Variants in SCCPDH observed in about 807,000 individuals in gnomAD.
The protein encoded by SCCPDH is saccharopine dehydrogenase (putative), also known as saccharopine dehydrogenase-like oxidoreductase.
SCCPDH carries 34 observed loss-of-function variants against 51.5 expected under a neutral mutation model. That is an observed-to-expected ratio of 0.66 (90% CI 0.50 to 0.88). SCCPDH has a LOEUF of 0.88. SCCPDH is among the 40% of genes least tolerant of loss of function. The pLI, the probability that SCCPDH is intolerant of heterozygous loss-of-function variation, is 0.00. For synonymous variants in SCCPDH, 187 were observed against 191.3 expected, an observed-to-expected ratio of 0.98 and a Z score of 0.19; for missense variants, 464 against 527.1, an observed-to-expected ratio of 0.88 and a Z score of 1.17.
intron 9 of SCCPDH, among the ~76,000 whole-genome samples, chr1:246,763,925 T>C (rs1471330439): frequency 6.6e-6 from 1 of 152,184 alleles, no homozygotes; most frequent in Non-Finnish European, 1.5e-5. Context: ...CTGGCTATTT[T>C]TGTCTTGTCG....
Position 246,744,362 on chromosome 1 carries a change from A to G in SCCPDH, c.564+237A>G, listed in dbSNP as rs564634346. Among the ~76,000 whole-genome samples the G allele has an allele frequency of 2.0e-5, 3 of 152,198 alleles. No individual in the cohort carries two copies. In the South Asian group the frequency reaches 6.2e-4, roughly 32 times the overall value. On this transcript the variant is annotated intron_variant, in intron 5 of 11. Coordinates refer to ENST00000366510, the MANE Select transcript of SCCPDH (RefSeq NM_016002.3). ...AGATGGAGTTACGCTCTTGTCGCCC[A>G]GGCTGGAGTGCAATGGCATGATCTC...
intron 2 of SCCPDH, among the ~76,000 whole-genome samples, chr1:246,732,525 C>A (rs1418677671): frequency 2.0e-5 from 3 of 152,034 alleles, no homozygotes; most frequent in Non-Finnish European, 4.4e-5. Flanking sequence ...GTAGCTGGAA[C>A]TACAGGCTCA....
chr1:246,745,964 T>C lies in SCCPDH; in HGVS notation c.564+1839T>C, dbSNP rs558540031. On this transcript the variant is annotated intron_variant, in intron 5 of 11. Coordinates refer to ENST00000366510, the MANE Select transcript of SCCPDH (RefSeq NM_016002.3). ...TCTACTAAAAATACAAAAAATTAGC[T>C]GGGCGTGGTGGCAGGCACCTGTAGT... Among the ~76,000 whole-genome samples the C allele has an allele frequency of 4.7e-3, 718 of 151,734 alleles. 7 individuals carry two copies. Among genetic ancestry groups the C allele is most frequent in the African/African-American group, 0.015 (633 of 41,370 alleles).
intron 5 of SCCPDH, among the ~76,000 whole-genome samples, chr1:246,744,507 G>A (rs1237521451): frequency 6.6e-6 from 1 of 151,966 alleles, no homozygotes; most frequent in African/African-American, 2.4e-5. Flanking sequence ...TTTTAGTAGA[G>A]ACGGGGTTTC....
Position 246,766,152 on chromosome 1 carries a change from T to C in SCCPDH, c.1184+13T>C. ...ATCTGCCTAAGGCGTAAGTTTGGTT[T>C]TCTTCCAATTAGAAGATCTTTTTTA... On this transcript the variant is annotated intron_variant, in intron 11 of 11. Coordinates refer to ENST00000366510, the MANE Select transcript of SCCPDH (RefSeq NM_016002.3). The C allele has an allele frequency of 6.4e-7, 1 of 1,559,784 alleles. No individual in the cohort carries two copies. Among genetic ancestry groups the C allele is most frequent in the Non-Finnish European group, 8.8e-7 (1 of 1,137,490 alleles).
At chr1:246,732,061 G>A (rs1668500643) in intron 2 of SCCPDH, among the ~76,000 whole-genome samples, 3 of 152,260 alleles carry the variant, frequency 2.0e-5, no homozygotes, top group Admixed American at 2.0e-4. Flanking sequence ...TTTTATGCCT[G>A]TATAGTATTC....
At chr1:246,724,787 CCTT>C (rs1462957031) in intron 1 of SCCPDH, among the ~76,000 whole-genome samples, 175 bp downstream of exon 1, 1 of 152,192 alleles carries the variant, frequency 6.6e-6, no homozygotes, top group African/African-American at 2.4e-5. Context: ...TGTCCCACCT[CCTT>C]AACTATATGT....
intron 3 of SCCPDH, among the ~76,000 whole-genome samples, chr1:246,738,489 G>A (rs1212403723): frequency 1.3e-5 from 2 of 150,402 alleles, no homozygotes; most frequent in South Asian, 2.1e-4. Flanking sequence ...CCAGCCTGGC[G>A]ACAGAGTGGG....
At position 246,766,139 on chromosome 1, in the gene SCCPDH, C is replaced by A; in HGVS notation, c.1184C>A (p.Ala395Glu). 1.9e-6 allele frequency: 3 copies of A among 1,602,776 alleles called. No individual in the cohort carries two copies. Among genetic ancestry groups the A allele is most frequent in the Non-Finnish European group, 2.6e-6 (3 of 1,172,174 alleles). ...AGTGATGCTTCTCATCTGCCTAAGG[C>A]GTAAGTTTGGTTTTCTTCCAATTAG... ...LLSDASHLPKAGGVFTPGAAF... is the reference protein window; with the variant it reads ...LLSDASHLPKEGGVFTPGAAF... The change falls in exon 11 of 12, where the codon GCG becomes GAG. Residue 395 changes from alanine (A) to glutamate (E), a missense_variant and splice_region_variant. Transcript: ENST00000366510.
chr1:246,755,129 T>C lies in SCCPDH; in HGVS notation c.565-3097T>C, dbSNP rs539339628. The stretch of plus-strand genomic sequence containing the variant: ...CTTTGAAGAAAACTGTAAACCTTTA[T>C]TGAGGGACCATAAAGAAGACATAAA... On this transcript the variant is annotated intron_variant, in intron 5 of 11. Transcript: ENST00000366510. Among the ~76,000 whole-genome samples the C allele has an allele frequency of 2.6e-5, 4 of 152,366 alleles. No individual in the cohort carries two copies. In the East Asian group the frequency reaches 7.7e-4, roughly 29 times the overall value.
intron 3 of SCCPDH, among the ~76,000 whole-genome samples, chr1:246,738,381 C>T (rs1668630033): frequency 6.6e-6 from 1 of 150,378 alleles, no homozygotes; most frequent in Non-Finnish European, 1.5e-5. Flanking sequence ...CGTGGTGGTG[C>T]ACGCCTGTAG....
At chr1:246,743,933 CTG>C (rs1668718238) in intron 4 of SCCPDH, 141 bp from the exon 5 acceptor site, 2 of 545,586 alleles carry the variant, frequency 3.7e-6, no homozygotes, top group South Asian at 2.7e-5. Flanking sequence ...CATAATAAAA[CTG>C]TTGTCTGTAC....
chr1:246,766,925 G>A (rs967312261), intron 11 of SCCPDH, among the ~76,000 whole-genome samples: 4 of 152,128 alleles, frequency 2.6e-5, no homozygotes, highest in Admixed American at 2.0e-4. Context: ...GGGTGATGGC[G>A]CACAGTGCAC....
At chr1:246,747,131 T>C (rs1668772546) in intron 5 of SCCPDH, among the ~76,000 whole-genome samples, 1 of 152,138 alleles carries the variant, frequency 6.6e-6, no homozygotes, top group African/African-American at 2.4e-5. Flanking sequence ...GTCCGAACTC[T>C]TTTTTTCCCC....
chr1:246,729,564 C>T (rs1668459848), intron 2 of SCCPDH, among the ~76,000 whole-genome samples: 4 of 152,150 alleles, frequency 2.6e-5, no homozygotes, highest in African/African-American at 9.7e-5. Flanking sequence ...CCCTTGTTCC[C>T]TGAAAATTGC....
chr1:246,724,887 T>C (rs1355056612), intron 1 of SCCPDH, among the ~76,000 whole-genome samples: 1 of 152,194 alleles, frequency 6.6e-6, no homozygotes, highest in East Asian at 1.9e-4. Flanking sequence ...CTGCCTCAGT[T>C]TGGGGAGCTC....
chr1:246,757,575 C>G (rs1168553855), intron 5 of SCCPDH, among the ~76,000 whole-genome samples: 1 of 151,948 alleles, frequency 6.6e-6, no homozygotes, highest in Non-Finnish European at 1.5e-5. Flanking sequence ...ACTAAGGACT[C>G]TGTACTGGCT....
At chr1:246,754,920 T>A (rs1025893809) in intron 5 of SCCPDH, among the ~76,000 whole-genome samples, 2 of 152,194 alleles carry the variant, frequency 1.3e-5, no homozygotes, top group African/African-American at 4.8e-5. Flanking sequence ...TTTTTTCTAT[T>A]CTGTTTCATT....
intron 4 of SCCPDH, among the ~76,000 whole-genome samples, chr1:246,742,126 C>T (rs1161582992): frequency 6.6e-6 from 1 of 152,178 alleles, no homozygotes; most frequent in African/African-American, 2.4e-5. Flanking sequence ...CTGTATCATA[C>T]TTAATGAATG....
Sources: gnomAD v4.1 joint callset for allele counts (sites outside exome capture counted in the v4.1 genomes callset) on GRCh38, gnomAD v4.1.1 for gene constraint, MANE v1.5 for transcripts, NCBI Gene and HGNC (gene_info 2026-07-23, HGNC 2026-07-21) for gene names.